Variants in TENM2 observed in about 807,000 individuals in gnomAD.
TENM2 encodes the protein teneurin-2.
TENM2 carries 52 observed loss-of-function variants against 245.2 expected under a neutral mutation model. That is an observed-to-expected ratio of 0.21 (90% CI 0.17 to 0.27). TENM2 has a LOEUF of 0.27. Ranked by LOEUF, TENM2 falls within the 10% of genes least tolerant of loss-of-function variation. The pLI is 1.00. For missense variants in TENM2, 3,046 were observed against 3,666.8 expected (o/e 0.83, Z 4.37); for synonymous variants, 1,363 against 1,438.9 (o/e 0.95, Z 1.19).
intron 2 of TENM2, among the ~76,000 whole-genome samples, chr5:167,503,283 C>T (rs930455768): frequency 7.9e-5 from 12 of 151,954 alleles, no homozygotes; most frequent in African/African-American, 2.7e-4. Context: ...TAAAGAAAAG[C>T]CATTAATATT....
At chr5:167,675,546 A>C (rs563215653) in intron 2 of TENM2, among the ~76,000 whole-genome samples, 1 of 152,196 alleles carries the variant, frequency 6.6e-6, no homozygotes, top group South Asian at 2.1e-4. Flanking sequence ...CCCTGGGGTC[A>C]TTTGAAAACA....
At chr5:167,175,313 G>A in the TENM2 span, among the ~76,000 whole-genome samples, 2 of 152,164 alleles carry the variant, frequency 1.3e-5, no homozygotes, top group South Asian at 4.1e-4. Flanking sequence ...TGATTAGAAA[G>A]TTTATATCAT....
intron 2 of TENM2, among the ~76,000 whole-genome samples, chr5:167,427,545 G>A (rs571215512): frequency 7.1e-4 from 100 of 140,962 alleles, no homozygotes; most frequent in African/African-American, 2.8e-3. Context: ...GGGAAGGAAG[G>A]GAAGGACGGG....
chr5:168,020,738 G>T (rs935465213), intron 5 of TENM2, among the ~76,000 whole-genome samples: 2 of 152,160 alleles, frequency 1.3e-5, no homozygotes, highest in African/African-American at 4.8e-5. Flanking sequence ...GTGTGTCTTT[G>T]GACCCCTTCC....
the TENM2 span, among the ~76,000 whole-genome samples, chr5:167,167,193 T>A: frequency 6.6e-6 from 1 of 152,160 alleles, no homozygotes; most frequent in African/African-American, 2.4e-5. Flanking sequence ...GCAAGTCCCG[T>A]CTGTAAATTC....
At chr5:167,061,503 AG>A in the TENM2 span, among the ~76,000 whole-genome samples, 1 of 152,206 alleles carries the variant, frequency 6.6e-6, no homozygotes, top group Non-Finnish European at 1.5e-5. Context: ...TCTATGCTCA[AG>A]GGTTGATGAA....
intron 7 of TENM2, among the ~76,000 whole-genome samples, chr5:168,064,166 G>C (rs1790294316): frequency 6.6e-6 from 1 of 152,108 alleles, no homozygotes. Context: ...TTCTGGACAG[G>C]CTGCAAGGTG....
intron 1 of TENM2, among the ~76,000 whole-genome samples, chr5:167,343,103 A>G (rs942551361): frequency 6.6e-6 from 1 of 152,128 alleles, no homozygotes; most frequent in Admixed American, 6.5e-5. Context: ...TTGTTGCTCA[A>G]GTTGTTCCAG....
the TENM2 span, among the ~76,000 whole-genome samples, chr5:167,203,180 A>G: frequency 6.6e-6 from 1 of 152,266 alleles, no homozygotes; most frequent in East Asian, 1.9e-4. Context: ...TGAAATCTTC[A>G]GGGGCTCTCT....
At chr5:167,338,574 C>G (rs1056202876) in intron 1 of TENM2, among the ~76,000 whole-genome samples, 15 of 152,108 alleles carry the variant, frequency 9.9e-5, no homozygotes, top group Admixed American at 7.2e-4. Context: ...TAAAATATAT[C>G]ACGTGGTTTT....
chr5:168,169,290 C>G (rs551895213), intron 13 of TENM2, among the ~76,000 whole-genome samples: 1 of 152,346 alleles, frequency 6.6e-6, no homozygotes, highest in East Asian at 1.9e-4. Context: ...GCAGTTCCCT[C>G]TCTAAATGAA....
intron 2 of TENM2, among the ~76,000 whole-genome samples, chr5:167,617,355 T>C (rs547176378): frequency 6.6e-6 from 1 of 152,316 alleles, no homozygotes; most frequent in South Asian, 2.1e-4. Context: ...GATAACGTAC[T>C]ATAGTTACGT....
chr5:167,424,802 C>G (rs1417734431), intron 2 of TENM2, among the ~76,000 whole-genome samples: 1 of 152,104 alleles, frequency 6.6e-6, no homozygotes, highest in Non-Finnish European at 1.5e-5. Context: ...TAGCACATTA[C>G]TTATTCCAAA....
intron 2 of TENM2, among the ~76,000 whole-genome samples, chr5:167,873,653 A>G (rs1390845444): frequency 6.6e-6 from 1 of 152,234 alleles, no homozygotes; most frequent in Non-Finnish European, 1.5e-5. Flanking sequence ...TGTAAGAAAC[A>G]TCAGCAGTTA....
chr5:167,603,253 C>G (rs1776771569), intron 2 of TENM2, among the ~76,000 whole-genome samples: 1 of 152,138 alleles, frequency 6.6e-6, no homozygotes, highest in South Asian at 2.1e-4. Context: ...ATTGGTGAAA[C>G]TCAAGCCAGA....
At chr5:168,087,596 G>A (rs186107038) in intron 7 of TENM2, among the ~76,000 whole-genome samples, 44 of 149,244 alleles carry the variant, frequency 2.9e-4, no homozygotes, top group African/African-American at 9.7e-4. Context: ...GTGACAGAGC[G>A]AGACTCCATC....
the TENM2 span, among the ~76,000 whole-genome samples, chr5:167,230,324 C>T: frequency 2.0e-5 from 3 of 152,242 alleles, no homozygotes; most frequent in African/African-American, 7.2e-5. Context: ...GCAATGGGGG[C>T]CTTTCCTGAT....
intron 2 of TENM2, among the ~76,000 whole-genome samples, chr5:167,769,588 C>T (rs557056515): frequency 3.3e-5 from 5 of 152,104 alleles, no homozygotes; most frequent in Admixed American, 2.0e-4. Flanking sequence ...CAGGCTTTTC[C>T]CCAGTAGAAA....
intron 2 of TENM2, among the ~76,000 whole-genome samples, chr5:167,602,585 G>A (rs1446732615): frequency 1.3e-5 from 2 of 152,162 alleles, no homozygotes; most frequent in Non-Finnish European, 2.9e-5. Context: ...TAGAAGACTT[G>A]CTCAAGTCCA....
Sources: allele counts gnomAD v4.1 joint callset (sites outside exome capture counted in the v4.1 genomes callset), GRCh38; gene constraint gnomAD v4.1.1; transcripts MANE v1.5; gene names NCBI Gene and HGNC (gene_info 2026-07-23, HGNC 2026-07-21).